PEX5: variants seen among roughly 807,000 people sequenced by gnomAD.
PEX5 encodes PTS1 receptor.
A neutral mutation model predicts 82.9 loss-of-function variants in PEX5; 52 were observed. That is an observed-to-expected ratio of 0.63 (90% CI 0.50 to 0.79). The LOEUF (loss-of-function observed/expected upper bound fraction) is 0.79, where lower values mean the gene tolerates loss of function less well. Ranked by LOEUF, PEX5 falls within the 30% of genes least tolerant of loss-of-function variation. The pLI, the probability that PEX5 is intolerant of heterozygous loss-of-function variation, is 0.00. For missense variants in PEX5, 719 were observed against 815.2 expected, an observed-to-expected ratio of 0.88 and a Z score of 1.44; for synonymous variants, 300 against 318.8, an observed-to-expected ratio of 0.94 and a Z score of 0.63.
In PEX5 at chr12:7,207,690, G is replaced by T. The variant is rs59209175; in HGVS notation, c.998G>T (p.Arg333Leu). ...CAGTTTGAGGAGGAGAACCCCTTGC[G>T]TGATCACCCTCAGCCTTTTGAAGAA... ...GYQFEEENPL[R>L]DHPQPFEEGL... Residue 333 changes from arginine to leucine, a missense_variant, in exon 11 of 16, where the codon CGT becomes CTT. Arg to Leu is a moderately radical substitution (Grantham distance 102, BLOSUM62 -2). Coordinates refer to ENST00000675855, the MANE Select transcript of PEX5 (RefSeq NM_001351132.2). 6.2e-7 allele frequency: 1 copy of T among 1,613,974 alleles called. No individual in the cohort carries two copies. The highest frequency in any genetic ancestry group is 1.3e-5 in the African/African-American group (1 of 74,872).
intron 10 of PEX5, among the ~76,000 whole-genome samples, chr12:7,204,151 AAAAC>A (rs1158922263): frequency 2.0e-5 from 3 of 152,216 alleles, no homozygotes; most frequent in East Asian, 1.9e-4. Flanking sequence ...GTCTTACTGA[AAAAC>A]AAATCTACCT....
chr12:7,212,131 A>T (rs866420435), downstream of PEX5, among the ~76,000 whole-genome samples: 1 of 151,830 alleles, frequency 6.6e-6, no homozygotes, highest in South Asian at 2.1e-4. Context: ...ACGCCCAGCT[A>T]ATTTTGTATT....
intron 1 of PEX5, 136 bp from the exon 2 acceptor site, chr12:7,190,226 G>A (rs1940736199): frequency 6.3e-7 from 1 of 1,582,288 alleles, no homozygotes; most frequent in Admixed American, 1.7e-5. Context: ...GGTGGGGGTC[G>A]CAGCAAAAGC....
intron 10 of PEX5, among the ~76,000 whole-genome samples, chr12:7,206,551 T>C (rs1292477268): frequency 6.8e-6 from 1 of 146,656 alleles, no homozygotes; most frequent in East Asian, 2.0e-4. Flanking sequence ...AATATAAATA[T>C]ACTTTCTATA....
At chr12:7,199,412 G>T (rs1024019340) in intron 6 of PEX5, among the ~76,000 whole-genome samples, 1 of 147,710 alleles carries the variant, frequency 6.8e-6, no homozygotes, top group Non-Finnish European at 1.5e-5. Context: ...GACTCTTAAA[G>T]AGCATGCTGC....
downstream of PEX5, among the ~76,000 whole-genome samples, chr12:7,214,205 C>A (rs1358786226): frequency 6.6e-6 from 1 of 152,182 alleles, no homozygotes; most frequent in African/African-American, 2.4e-5. Flanking sequence ...CCATTTGACC[C>A]AGCCATCCCA....
intron 14 of PEX5, among the ~76,000 whole-genome samples, chr12:7,209,406 ATTCCAGTG>A (rs1300512513): frequency 6.6e-6 from 1 of 152,162 alleles, no homozygotes; most frequent in Non-Finnish European, 1.5e-5. Context: ...GGGGTATTTC[ATTCCAGTG>A]TTCCATGTAC....
At chr12:7,209,912 A>C in intron 15 of PEX5, 72 bp downstream of exon 15, 1 of 1,603,072 alleles carries the variant, frequency 6.2e-7, no homozygotes, top group South Asian at 1.1e-5. Flanking sequence ...CCTTATTCTT[A>C]GATCCTGTTT....
chr12:7,202,830 T>C (rs2136162155), intron 9 of PEX5, 126 bp downstream of exon 9: 1 of 786,472 alleles, frequency 1.3e-6, no homozygotes, highest in Non-Finnish European at 2.2e-6. Flanking sequence ...TGTGTCAGAG[T>C]TGCTTGGGGA....
intron 15 of PEX5, 62 bp from the exon 16 acceptor site, chr12:7,209,960 C>G (rs1945340767): frequency 6.2e-7 from 1 of 1,600,058 alleles, no homozygotes; most frequent in East Asian, 2.2e-5. Flanking sequence ...CCACTGCTAG[C>G]TGACCTGCTT....
At chr12:7,216,924 CT>C (rs1945796145) in intron 17 of PEX5, among the ~76,000 whole-genome samples, 1 of 152,100 alleles carries the variant, frequency 6.6e-6, no homozygotes, top group Non-Finnish European at 1.5e-5. Flanking sequence ...AATGTTTAAT[CT>C]TTTGTTAATA....
chr12:7,203,043 A>G (rs1459532410), intron 9 of PEX5, among the ~76,000 whole-genome samples: 1 of 152,110 alleles, frequency 6.6e-6, no homozygotes, highest in Non-Finnish European at 1.5e-5. Flanking sequence ...CTGTAATCCC[A>G]GCTACTTGGG....
Sources: allele counts gnomAD v4.1 joint callset (sites outside exome capture counted in the v4.1 genomes callset), GRCh38; gene constraint gnomAD v4.1.1; transcripts MANE v1.5; gene names NCBI Gene and HGNC (gene_info 2026-07-23, HGNC 2026-07-21).